Variants in SORBS2 observed in about 807,000 individuals in gnomAD.
The protein encoded by SORBS2 is sorbin and SH3 domain containing 2, also known as sorbin and SH3 domain-containing protein 2.
SORBS2 carries 46 observed loss-of-function variants against 97.7 expected under a neutral mutation model. The ratio of observed to expected loss-of-function variants is 0.47; its 90% CI spans 0.37 to 0.60. SORBS2 has a LOEUF of 0.60. SORBS2 is among the 20% of genes least tolerant of loss of function. The pLI, the probability that SORBS2 is intolerant of heterozygous loss-of-function variation, is 0.00. For synonymous variants in SORBS2, 476 were observed against 473.4 expected, an observed-to-expected ratio of 1.01 and a Z score of -0.07; for missense variants, 1,316 against 1,282.3, an observed-to-expected ratio of 1.03 and a Z score of -0.40.
At chr4:185,857,489 G>T (rs148391573) in intron 1 of SORBS2, among the ~76,000 whole-genome samples, 32 of 152,282 alleles carry the variant, frequency 2.1e-4, no homozygotes, top group Non-Finnish European at 3.8e-4. Flanking sequence ...TAAAACATGG[G>T]TGTTTGAACA....
chr4:185,717,068 C>A (rs554091693), intron 2 of SORBS2, among the ~76,000 whole-genome samples: 1 of 152,344 alleles, frequency 6.6e-6, no homozygotes, highest in East Asian at 1.9e-4. Context: ...AGTGCTCATT[C>A]TTCCTGCAAC....
At chr4:185,836,762 C>T (rs1476835821) in intron 1 of SORBS2, among the ~76,000 whole-genome samples, 1 of 152,144 alleles carries the variant, frequency 6.6e-6, no homozygotes, top group Non-Finnish European at 1.5e-5. Flanking sequence ...CTCTTGTCCA[C>T]ATTATTTATA....
chr4:185,662,235 A>G (rs374164213), exon 5 of SORBS2: 2 of 1,607,452 alleles, frequency 1.2e-6, no homozygotes, highest in African/African-American at 2.7e-5. Context: ...ATTCACTGTT[A>G]TCTGGCTCTG....
chr4:185,940,876 T>G (rs2099271623), intron 1 of SORBS2, among the ~76,000 whole-genome samples: 1 of 152,206 alleles, frequency 6.6e-6, no homozygotes, highest in Non-Finnish European at 1.5e-5. Context: ...AACCCAGTGG[T>G]TTTCAGTCAG....
At chr4:185,827,375 T>C (rs200263540) in intron 1 of SORBS2, among the ~76,000 whole-genome samples, 598 of 7,260 alleles carry the variant, frequency 0.082, 84 homozygotes, top group African/African-American at 0.14. Flanking sequence ...ATCATCATCA[T>C]CATCATCATC....
chr4:185,910,820 A>T (rs182576947), intron 1 of SORBS2, among the ~76,000 whole-genome samples: 1 of 152,342 alleles, frequency 6.6e-6, no homozygotes, highest in South Asian at 2.1e-4. Context: ...TGTATTATAT[A>T]TGAGAAATAA....
At position 185,646,914 on chromosome 4, in the gene SORBS2, C is replaced by A. The variant is rs1413198953; in HGVS notation, c.282-132G>T. On this transcript the variant is annotated intron_variant, in intron 3 of 14. Transcript: ENST00000418609. ...AAAATCTCTCAGGATAAAAAGTTAA[C>A]CTGTGAAAAATACCACATTCCCCCG... 1.5e-5 allele frequency: 9 copies of A among 620,230 alleles called. No individual in the cohort carries two copies. In the East Asian group the frequency reaches 2.5e-4, roughly 17 times the overall value. The allele number at this position is 620,230 out of a possible 1,614,324, so 38.4% of individuals were successfully genotyped here. A position where few individuals can be genotyped will look rare whatever the true frequency, so the allele number is the denominator to read the frequency against.
intron 2 of SORBS2, among the ~76,000 whole-genome samples, chr4:185,702,054 C>A (rs2098270667): frequency 6.6e-6 from 1 of 152,158 alleles, no homozygotes; most frequent in Non-Finnish European, 1.5e-5. Context: ...CAGGTGTGAG[C>A]CACTGTGCTG....
At chr4:185,870,684 G>A (rs2099229924) in intron 1 of SORBS2, among the ~76,000 whole-genome samples, 1 of 152,200 alleles carries the variant, frequency 6.6e-6, no homozygotes, top group South Asian at 2.1e-4. Flanking sequence ...AGGTCGTGAG[G>A]GCTGCCCGGT....
At chr4:185,627,854 C>T (rs938596239) in intron 5 of SORBS2, among the ~76,000 whole-genome samples, 2 of 148,922 alleles carry the variant, frequency 1.3e-5, no homozygotes, top group South Asian at 2.3e-4. Flanking sequence ...TCCTCCCGCT[C>T]ATCCTGGCAC....
intron 2 of SORBS2, among the ~76,000 whole-genome samples, chr4:185,650,124 T>C (rs886678848): frequency 1.3e-5 from 2 of 152,200 alleles, no homozygotes; most frequent in African/African-American, 2.4e-5. Context: ...TTGCACACAG[T>C]TGTGTTTATA....
chr4:185,600,441 C>T (rs1194303740), intron 12 of SORBS2, among the ~76,000 whole-genome samples: 3 of 152,192 alleles, frequency 2.0e-5, no homozygotes, highest in African/African-American at 4.8e-5. Context: ...CGGGTTCGAG[C>T]GATTCTCTTG....
chr4:185,687,638 T>C (rs1176262330), intron 2 of SORBS2, among the ~76,000 whole-genome samples: 1 of 152,180 alleles, frequency 6.6e-6, no homozygotes, highest in Non-Finnish European at 1.5e-5. Context: ...TACTGAGACA[T>C]TAAAGGTCAC....
chr4:185,680,032 C>A (rs542009006), intron 2 of SORBS2, among the ~76,000 whole-genome samples: 97 of 152,266 alleles, frequency 6.4e-4, no homozygotes, highest in African/African-American at 2.3e-3. Context: ...TCTTTATGAT[C>A]ATTGATAACT....
chr4:185,817,959 C>T (rs766732356), intron 1 of SORBS2, among the ~76,000 whole-genome samples: 9 of 152,096 alleles, frequency 5.9e-5, no homozygotes, highest in East Asian at 1.9e-4. Context: ...ATCAGGTACA[C>T]GTTTTAGGAT....
chr4:185,861,236 C>T (rs1029113424), intron 1 of SORBS2, among the ~76,000 whole-genome samples: 2 of 149,010 alleles, frequency 1.3e-5, no homozygotes, highest in African/African-American at 5.0e-5. Context: ...CCACTGTGGC[C>T]TGAACGAATG....
intron 13 of SORBS2, among the ~76,000 whole-genome samples, chr4:185,591,283 G>A (rs555566933): frequency 6.6e-6 from 1 of 152,146 alleles, no homozygotes; most frequent in African/African-American, 2.4e-5. Flanking sequence ...TTCTTCTCCT[G>A]TTAAAACTTC....
chr4:185,632,809 A>G (rs1302656458), intron 4 of SORBS2, among the ~76,000 whole-genome samples: 1 of 152,176 alleles, frequency 6.6e-6, no homozygotes, highest in Non-Finnish European at 1.5e-5. Context: ...AGAAACTACT[A>G]TTTCTCCTTG....
chr4:185,929,196 G>A (rs1312970949), intron 1 of SORBS2, among the ~76,000 whole-genome samples: 3 of 152,138 alleles, frequency 2.0e-5, no homozygotes, highest in Non-Finnish European at 4.4e-5. Flanking sequence ...GTGGGTTCCT[G>A]GGCAGCACCT....
Sources: gnomAD v4.1 joint callset for allele counts (sites outside exome capture counted in the v4.1 genomes callset) on GRCh38, gnomAD v4.1.1 for gene constraint, MANE v1.5 for transcripts, NCBI Gene and HGNC (gene_info 2026-07-23, HGNC 2026-07-21) for gene names.